Variants in KCNQ5 observed in about 807,000 individuals in gnomAD.
KCNQ5 encodes potassium voltage-gated channel subfamily KQT member 5.
KCNQ5 carries 30 observed loss-of-function variants against 98.2 expected under a neutral mutation model. The observed-to-expected ratio is 0.31, with a 90% CI of 0.23 to 0.41. The LOEUF is 0.41. Among genes scored for constraint, KCNQ5 ranks in the 10% least tolerant of loss-of-function variants. KCNQ5 has a pLI of 1.00. For synonymous variants in KCNQ5, 458 were observed against 449.4 expected, an observed-to-expected ratio of 1.02 and a Z score of -0.24; for missense variants, 835 against 1,182.5, an observed-to-expected ratio of 0.71 and a Z score of 4.31.
At chr6:72,784,727 T>C (rs1251489864) in intron 1 of KCNQ5, among the ~76,000 whole-genome samples, 1 of 152,104 alleles carries the variant, frequency 6.6e-6, no homozygotes, top group Non-Finnish European at 1.5e-5. Context: ...TAGCAAGGCT[T>C]TTCCTTTTTA....
At chr6:72,888,920 A>G (rs761913269) in intron 1 of KCNQ5, among the ~76,000 whole-genome samples, 42 of 152,140 alleles carry the variant, frequency 2.8e-4, no homozygotes, top group Non-Finnish European at 4.7e-4. Flanking sequence ...ATCTTCATGG[A>G]GCCCACAGTC....
At chr6:72,965,388 T>C (rs1767552897) in intron 1 of KCNQ5, among the ~76,000 whole-genome samples, 2 of 152,244 alleles carry the variant, frequency 1.3e-5, no homozygotes, top group African/African-American at 4.8e-5. Context: ...TCCTGGGGAC[T>C]TAGTCCTGTA....
At chr6:72,938,282 T>A (rs1263636162) in intron 1 of KCNQ5, among the ~76,000 whole-genome samples, 1 of 152,172 alleles carries the variant, frequency 6.6e-6, no homozygotes, top group East Asian at 1.9e-4. Context: ...AGGCAAATGA[T>A]CAGGGGACTT....
intron 1 of KCNQ5, chr6:72,987,470 G>A: frequency 1.5e-6 from 1 of 671,352 alleles, no homozygotes; most frequent in South Asian, 1.4e-5. Context: ...AACAGAAACT[G>A]AAGTTTCTCA....
At chr6:72,780,442 T>C (rs1055351438) in intron 1 of KCNQ5, among the ~76,000 whole-genome samples, 10 of 152,358 alleles carry the variant, frequency 6.6e-5, no homozygotes, top group Admixed American at 5.2e-4. Flanking sequence ...ATCATTCTGA[T>C]GAAAGCTTCA....
At chr6:73,156,274 A>C (rs1304541359) in intron 10 of KCNQ5, among the ~76,000 whole-genome samples, 3 of 152,248 alleles carry the variant, frequency 2.0e-5, no homozygotes, top group Admixed American at 2.0e-4. Flanking sequence ...AGCCATTTTA[A>C]TATGTGTTCC....
chr6:72,735,199 A>G (rs1257045491), intron 1 of KCNQ5, among the ~76,000 whole-genome samples: 1 of 152,218 alleles, frequency 6.6e-6, no homozygotes, highest in Non-Finnish European at 1.5e-5. Context: ...TATAACCTAT[A>G]TTTAAGCTTA....
chr6:72,864,091 G>A (rs1777878285), intron 1 of KCNQ5, among the ~76,000 whole-genome samples: 1 of 152,120 alleles, frequency 6.6e-6, no homozygotes, highest in South Asian at 2.1e-4. Flanking sequence ...TGCTGCCCAT[G>A]TCATAAATTC....
At chr6:72,793,497 C>G (rs188350902) in intron 1 of KCNQ5, among the ~76,000 whole-genome samples, 1 of 152,318 alleles carries the variant, frequency 6.6e-6, no homozygotes, top group Admixed American at 6.5e-5. Context: ...CAAACATTTA[C>G]CTATAGAAAT....
chr6:72,631,727 T>C (rs2098920885), intron 1 of KCNQ5, among the ~76,000 whole-genome samples: 1 of 152,150 alleles, frequency 6.6e-6, no homozygotes, highest in African/African-American at 2.4e-5. Context: ...ATATGTTCAC[T>C]TAGTTTGGCA....
At chr6:72,765,171 T>C (rs925002903) in intron 1 of KCNQ5, among the ~76,000 whole-genome samples, 2 of 151,984 alleles carry the variant, frequency 1.3e-5, no homozygotes, top group Admixed American at 1.3e-4. Context: ...GGTAGCTCAA[T>C]TTTTAGTTTT....
chr6:72,893,326 A>G (rs1036490817), intron 1 of KCNQ5, among the ~76,000 whole-genome samples: 2 of 152,020 alleles, frequency 1.3e-5, no homozygotes, highest in African/African-American at 2.4e-5. Context: ...TTTTCTTTGT[A>G]AAATAAGGCT....
rs141634929 is a variant in KCNQ5, at chr6:72,845,187, G to A, written c.399-158721G>A. 6.8e-3 allele frequency among the ~76,000 whole-genome samples: 1,030 copies of A among 152,256 alleles called. 14 individuals carry two copies. The highest frequency in any genetic ancestry group is 0.022 in the African/African-American group (922 of 41,546). On this transcript the variant is annotated intron_variant, in intron 1 of 13. Transcript: ENST00000370398. ...TTCAGGTGCACTGTTTATTTGCAGA[G>A]TATGTATACAGTGAGTGTGTAAACA... is the stretch of plus-strand genomic sequence containing the variant.
intron 7 of KCNQ5, 78 bp from the exon 8 acceptor site, chr6:73,120,405 T>C: frequency 3.9e-6 from 4 of 1,015,554 alleles, no homozygotes; most frequent in Non-Finnish European, 5.9e-6. Context: ...TGTAGTAACT[T>C]AATCATTTCT....
intron 1 of KCNQ5, among the ~76,000 whole-genome samples, chr6:72,664,870 A>T (rs1766716819): frequency 6.6e-6 from 1 of 152,210 alleles, no homozygotes; most frequent in Non-Finnish European, 1.5e-5. Flanking sequence ...CAAAACTGTT[A>T]CTGTCATTTT....
intron 11 of KCNQ5, among the ~76,000 whole-genome samples, chr6:73,188,769 G>T (rs1052723913): frequency 5.9e-5 from 9 of 152,110 alleles, no homozygotes; most frequent in Non-Finnish European, 1.2e-4. Flanking sequence ...CAGATCACAA[G>T]GTCAGAAGTT....
chr6:72,683,357 CAT>C (rs1767798191), intron 1 of KCNQ5, among the ~76,000 whole-genome samples: 1 of 141,304 alleles, frequency 7.1e-6, no homozygotes, highest in South Asian at 2.3e-4. Context: ...TTGTTAGCCA[CAT>C]ATACTTTTTT....
chr6:72,683,375 T>C (rs1435684027), intron 1 of KCNQ5, among the ~76,000 whole-genome samples: 2 of 128,940 alleles, frequency 1.6e-5, no homozygotes, highest in African/African-American at 6.1e-5. Flanking sequence ...TTTTTTTTTT[T>C]TTTTTTTTTT....
chr6:73,020,423 T>C (rs571232230), intron 2 of KCNQ5, among the ~76,000 whole-genome samples: 1 of 151,868 alleles, frequency 6.6e-6, no homozygotes, highest in East Asian at 1.9e-4. Flanking sequence ...CAAGGTTATG[T>C]AGGAAGGGGT....
Sources: gnomAD v4.1 joint callset for allele counts (sites outside exome capture counted in the v4.1 genomes callset) on GRCh38, gnomAD v4.1.1 for gene constraint, MANE v1.5 for transcripts, NCBI Gene and HGNC (gene_info 2026-07-23, HGNC 2026-07-21) for gene names.